Variants in CLUAP1 observed in about 807,000 individuals in gnomAD.
The protein encoded by CLUAP1 is intraflagellar transport 38, also known as clusterin-associated protein 1.
A neutral mutation model predicts 55.0 loss-of-function variants in CLUAP1; 50 were observed. That is an observed-to-expected ratio of 0.91 (90% CI 0.72 to 1.15). The LOEUF is 1.15. Ranked by LOEUF, CLUAP1 falls within the 50% of genes most tolerant of loss-of-function variation. CLUAP1 has a pLI of 0.00. For synonymous variants in CLUAP1, 195 were observed against 175.4 expected (o/e 1.11, Z -0.88); for missense variants, 530 against 507.6 (o/e 1.04, Z -0.42).
chr16:3,533,501 G>A (rs1380109596), intron 11 of CLUAP1: 1 of 281,968 alleles, frequency 3.5e-6, no homozygotes, highest in Non-Finnish European at 6.9e-6. Flanking sequence ...CCAGGCCCTC[G>A]AGGTGCCAGG....
chr16:3,511,586 G>C (rs1321980011), intron 4 of CLUAP1, among the ~76,000 whole-genome samples: 1 of 152,200 alleles, frequency 6.6e-6, no homozygotes, highest in African/African-American at 2.4e-5. Flanking sequence ...TGTCCCTCAG[G>C]CTGTCCCTTT....
At chr16:3,507,464 G>A (rs1280897131) in intron 3 of CLUAP1, among the ~76,000 whole-genome samples, 1 of 151,632 alleles carries the variant, frequency 6.6e-6, no homozygotes, top group Non-Finnish European at 1.5e-5. Context: ...GGAGGCTGAG[G>A]TGGGAGGATT....
At chr16:3,526,913 G>C (rs1023253179) in intron 9 of CLUAP1, among the ~76,000 whole-genome samples, 2 of 152,152 alleles carry the variant, frequency 1.3e-5, no homozygotes, top group African/African-American at 2.4e-5. Context: ...GCTGAATGAT[G>C]GAAAGCAAGC....
At chr16:3,530,939 T>G (rs1021726636) in intron 10 of CLUAP1, among the ~76,000 whole-genome samples, 3 of 152,190 alleles carry the variant, frequency 2.0e-5, no homozygotes, top group Non-Finnish European at 4.4e-5. Flanking sequence ...AAGAACACAT[T>G]GCCTCTGCCA....
chr16:3,499,496 A>G (rs2037348829), upstream of CLUAP1, among the ~76,000 whole-genome samples: 1 of 152,224 alleles, frequency 6.6e-6, no homozygotes, highest in African/African-American at 2.4e-5. Flanking sequence ...TCATAGTGAT[A>G]TCTCATTGTG....
chr16:3,496,499 T>A, upstream of CLUAP1: 1 of 643,316 alleles, frequency 1.6e-6, no homozygotes, highest in Non-Finnish European at 2.8e-6. Context: ...TGCCCAAACT[T>A]AAGGTGTGTG....
At chr16:3,515,867 C>T (rs1021765216) in intron 6 of CLUAP1, among the ~76,000 whole-genome samples, 3 of 152,030 alleles carry the variant, frequency 2.0e-5, no homozygotes, top group Non-Finnish European at 4.4e-5. Context: ...ATAAATAATG[C>T]TCTATTTTAT....
At chr16:3,530,993 G>A (rs983619132) in intron 10 of CLUAP1, among the ~76,000 whole-genome samples, 5 of 152,210 alleles carry the variant, frequency 3.3e-5, no homozygotes, top group Non-Finnish European at 5.9e-5. Flanking sequence ...AATTAATGCA[G>A]AAAGGGACTT....
rs921069425 is a variant in CLUAP1, at chr16:3,537,256, T to G, written c.*985T>G. On this transcript the variant is annotated 3_prime_UTR_variant, in exon 12 of 12. Transcript: ENST00000576634. ...TTGGTACAGATTCATGTTTCTGATT[T>G]AAAAAAACAACAACACAGGATTGAA... is the stretch of plus-strand genomic sequence containing the variant. The G allele has an allele frequency of 7.9e-5, 12 of 152,190 alleles. No homozygotes were observed. The highest frequency in any genetic ancestry group is 8.8e-5 in the Non-Finnish European group (6 of 68,034). 9.4% of individuals were successfully genotyped at this position (152,190 alleles called of 1,614,324 possible).
intron 6 of CLUAP1, among the ~76,000 whole-genome samples, chr16:3,517,256 C>T (rs1377596177): frequency 6.6e-6 from 1 of 151,620 alleles, no homozygotes; most frequent in South Asian, 2.1e-4. Context: ...GGATTACTGG[C>T]GCACACCACT....
chr16:3,521,551 C>T (rs1040351472), intron 7 of CLUAP1, among the ~76,000 whole-genome samples: 4 of 151,796 alleles, frequency 2.6e-5, no homozygotes, highest in African/African-American at 9.7e-5. Context: ...TCTCCTGCCT[C>T]AGCCTCTCAA....
chr16:3,504,957 G>A, intron 2 of CLUAP1, 126 bp downstream of exon 2: 2 of 664,076 alleles, frequency 3.0e-6, no homozygotes, highest in South Asian at 1.7e-5. Flanking sequence ...AGACCCAGCT[G>A]TATTCTGTTA....
At chr16:3,534,987 G>A (rs2038202271) in intron 11 of CLUAP1, 1 of 152,382 alleles carries the variant, frequency 6.6e-6, no homozygotes, top group Non-Finnish European at 1.5e-5. Context: ...AGTAGAATGA[G>A]AAGAGAGGCG....
intron 8 of CLUAP1, among the ~76,000 whole-genome samples, chr16:3,524,810 C>T (rs1268048187): frequency 6.6e-6 from 1 of 152,000 alleles, no homozygotes; most frequent in East Asian, 1.9e-4. Flanking sequence ...GTGTTTTAGA[C>T]CCGAGCATGA....
chr16:3,506,238 T>G, intron 2 of CLUAP1, 93 bp from the exon 3 acceptor site: 1 of 1,031,354 alleles, frequency 9.7e-7, no homozygotes, highest in Admixed American at 1.7e-5. Flanking sequence ...AGCGTTGTGT[T>G]CCAGACCCGC....
Position 3,519,895 on chromosome 16 carries a change from A to C in CLUAP1, c.580-8A>C. 3 of 1,580,852 alleles carry C rather than the reference A, an allele frequency of 1.9e-6. No individual in the cohort carries two copies. The highest frequency in any genetic ancestry group is 2.6e-6 in the Non-Finnish European group (3 of 1,169,782). On this transcript the variant is annotated splice_region_variant and splice_polypyrimidine_tract_variant and intron_variant, in intron 6 of 11. Coordinates refer to ENST00000576634, the MANE Select transcript of CLUAP1 (RefSeq NM_015041.3). ...CCACCTTGTCTCATTATTTCCCATT[A>C]AATATAGACACAGGTTCAGAAGACT...
chr16:3,504,638 G>A, intron 1 of CLUAP1, 82 bp from the exon 2 acceptor site: 2 of 830,730 alleles, frequency 2.4e-6, no homozygotes, highest in South Asian at 1.4e-5. Flanking sequence ...GAAATAAGAA[G>A]GAAAAGTAAA....
chr16:3,498,389 C>T (rs527258365), upstream of CLUAP1, among the ~76,000 whole-genome samples: 2 of 152,178 alleles, frequency 1.3e-5, no homozygotes, highest in South Asian at 4.1e-4. Flanking sequence ...TATCAGGCAT[C>T]CCAGTCAAGT....
rs1468683716 is a variant in CLUAP1 at position 3,530,680 on chromosome 16, C to A, written c.1036+5C>A. On this transcript the variant is annotated splice_donor_5th_base_variant and intron_variant, in intron 10 of 11. Transcript: ENST00000576634. The stretch of plus-strand genomic sequence containing the variant: ...CCATGGAGATGCTCATGCAAGGTAC[C>A]CCGGCGTCTTTCGCTGGACTTCCTC... 1.2e-6 allele frequency: 2 copies of A among 1,612,164 alleles called. No homozygotes were observed. The highest frequency in any genetic ancestry group is 2.2e-5 in the South Asian group (2 of 91,024).
Sources: gnomAD v4.1 joint callset for allele counts (sites outside exome capture counted in the v4.1 genomes callset) on GRCh38, gnomAD v4.1.1 for gene constraint, MANE v1.5 for transcripts, NCBI Gene and HGNC (gene_info 2026-07-23, HGNC 2026-07-21) for gene names.